The following KMT2C variants were observed in gnomAD, a reference collection of about 807,000 sequenced individuals.
The protein encoded by KMT2C is histone-lysine N-methyltransferase 2C.
A neutral mutation model predicts 507.9 loss-of-function variants in KMT2C; 88 were observed. The observed-to-expected ratio is 0.17, with a 90% CI of 0.15 to 0.21. KMT2C has a LOEUF of 0.21. Among genes scored for constraint, KMT2C ranks in the 10% least tolerant of loss-of-function variants. The pLI is 1.00. For synonymous variants in KMT2C, 2,049 were observed against 2,080.8 expected, an observed-to-expected ratio of 0.98 and a Z score of 0.42; for missense variants, 4,954 against 5,957.8, an observed-to-expected ratio of 0.83 and a Z score of 5.55.
chr7:152,435,589 G>T, intron 1 of KMT2C, 37 bp downstream of exon 1: 1 of 1,344,494 alleles, frequency 7.4e-7, no homozygotes, highest in Non-Finnish European at 9.7e-7. Context: ...CGGCGCCGCC[G>T]CTGGCTCCCG....
intron 1 of KMT2C, among the ~76,000 whole-genome samples, chr7:152,363,025 G>C (rs2129235507): frequency 1.3e-5 from 2 of 152,198 alleles, no homozygotes; most frequent in Admixed American, 1.3e-4. Flanking sequence ...TCTGCCATGT[G>C]ACTTTTCTGA....
At position 152,238,821 on chromosome 7, in the gene KMT2C, A is replaced by T. The variant is rs766200477; in HGVS notation, c.2538T>A (p.Ala846=). The T allele has an allele frequency of 1.2e-6, 2 of 1,601,232 alleles. No individual in the cohort carries two copies. The highest frequency in any genetic ancestry group is 1.7e-6 in the Non-Finnish European group (2 of 1,175,868). Residue 846 remains alanine, a synonymous_variant, in exon 15 of 59, where the codon GCT becomes GCA. Coordinates refer to ENST00000262189, the MANE Select transcript of KMT2C (RefSeq NM_170606.3). The part of the protein sequence containing the change: ...SPGRPRSKQG[A]WSTHNTVSPP... ...GGCTCACTGTATTATGGGTACTCCAAGCCCCCTAGGATATGGCAGTTGAGA... is the reference window on the plus strand; with the variant it reads ...GGCTCACTGTATTATGGGTACTCCATGCCCCCTAGGATATGGCAGTTGAGA...
intron 37 of KMT2C, 47 bp from the exon 38 acceptor site, chr7:152,178,057 T>C (rs780343379): frequency 1.5e-6 from 2 of 1,348,208 alleles, no homozygotes; most frequent in Non-Finnish European, 1.9e-6. Context: ...ATAGGTATTA[T>C]GTTAAATTTA....
intron 2 of KMT2C, among the ~76,000 whole-genome samples, chr7:152,333,627 A>T (rs555201767): frequency 2.0e-5 from 3 of 152,170 alleles, no homozygotes; most frequent in Non-Finnish European, 4.4e-5. Context: ...TTAGCACTTC[A>T]ATCTGACTTC....
chr7:152,337,312 G>T (rs1397208333), intron 2 of KMT2C, among the ~76,000 whole-genome samples: 36 of 152,158 alleles, frequency 2.4e-4, no homozygotes, highest in Non-Finnish European at 5.3e-4. Context: ...CATGTAAGTA[G>T]ATTCCTAAGA....
In KMT2C at chr7:152,156,017, G is replaced by A. The variant is rs2129099670; in HGVS notation, c.11853C>T (p.Phe3951=). 1 of 1,606,260 alleles carries A rather than the reference G, an allele frequency of 6.2e-7. No individual in the cohort carries two copies. The highest frequency in any genetic ancestry group is 8.5e-7 in the Non-Finnish European group (1 of 1,178,232). Residue 3951 remains phenylalanine, a synonymous_variant, in exon 46 of 59, where the codon TTC becomes TTT. Transcript: ENST00000262189. ...TLGPKPFQLP[F]RPQDDLLARA... ...GGGCCAACAAGTCGTCCTGGGGTCT[G>A]AAGGGCAGCTGAAATGGTTTAGGTC...
chr7:152,264,591 T>G (rs188360880), intron 8 of KMT2C, among the ~76,000 whole-genome samples: 1 of 152,136 alleles, frequency 6.6e-6, no homozygotes, highest in African/African-American at 2.4e-5. Flanking sequence ...ACATGACTGA[T>G]TTTTTGGCTC....
chr7:152,368,362 C>A, intron 1 of KMT2C: 1 of 1,127,010 alleles, frequency 8.9e-7, no homozygotes, highest in Non-Finnish European at 1.3e-6. Flanking sequence ...CCCTCTGGCA[C>A]AAATGGAAGA....
intron 7 of KMT2C, among the ~76,000 whole-genome samples, chr7:152,272,872 A>G (rs182209790): frequency 1.3e-5 from 2 of 152,298 alleles, no homozygotes. Context: ...ATAGGAAAAA[A>G]GCTTTTATTA....
chr7:152,166,274 A>C (rs1563217595), intron 42 of KMT2C, among the ~76,000 whole-genome samples: 1 of 151,760 alleles, frequency 6.6e-6, no homozygotes, highest in Non-Finnish European at 1.5e-5. Flanking sequence ...GGCACACACC[A>C]CCATACTTAG....
intron 5 of KMT2C, among the ~76,000 whole-genome samples, chr7:152,310,688 T>G (rs1291279464): frequency 5.3e-5 from 8 of 151,922 alleles, no homozygotes; most frequent in Non-Finnish European, 1.0e-4. Context: ...TGTTGTTTTG[T>G]TTTGGTTTTG....
chr7:152,164,729 G>A (rs192517768), intron 42 of KMT2C, among the ~76,000 whole-genome samples: 118 of 152,252 alleles, frequency 7.8e-4, no homozygotes, highest in African/African-American at 2.7e-3. Context: ...TACAAGCTCC[G>A]AGGAAGTATT....
chr7:152,197,757 T>C (rs561255911), intron 27 of KMT2C, among the ~76,000 whole-genome samples: 41 of 152,092 alleles, frequency 2.7e-4, no homozygotes, highest in African/African-American at 8.0e-4. Context: ...ATGAATGACA[T>C]GTTAAAAAAA....
rs3735156 is a variant in KMT2C, at chr7:152,251,983, C to T, written c.1577G>A (p.Arg526His). 3 of 1,612,534 alleles carry T rather than the reference C, an allele frequency of 1.9e-6. No individual in the cohort carries two copies. Among genetic ancestry groups the T allele is most frequent in the Non-Finnish European group, 1.7e-6 (2 of 1,179,278 alleles). Residue 526 changes from arginine (R) to histidine (H), a missense_variant, in exon 11 of 59, where the codon CGT becomes CAT. This residue lies in a region of KMT2C where 376 missense variants were observed against 352.4 expected (regional missense o/e 1.07). Transcript: ENST00000262189. ...YCKHLGAEMD[R>H]LQPGEEVEIA... ...CTCCACTTCCTCACCTGGCTGTAAA[C>T]GATCCATCTCAGCTCCCAGGTGTTT...
At chr7:152,227,733 C>T (rs920461587) in intron 18 of KMT2C, among the ~76,000 whole-genome samples, 45 of 152,184 alleles carry the variant, frequency 3.0e-4, no homozygotes, top group Admixed American at 2.6e-3. Context: ...ACAAAGGATC[C>T]CCTGAAGTCT....
At chr7:152,165,530 G>A (rs1332045461) in intron 42 of KMT2C, among the ~76,000 whole-genome samples, 1 of 152,150 alleles carries the variant, frequency 6.6e-6, no homozygotes, top group African/African-American at 2.4e-5. Context: ...TTTCATTCTG[G>A]AATAATCCTA....
In KMT2C at chr7:152,176,473, T is replaced by C. The variant is rs2129113100; in HGVS notation, c.8980A>G (p.Ile2994Val). The change falls in exon 38 of 59, where the codon ATT (isoleucine) becomes GTT (valine). Residue 2994 changes from isoleucine (I) to valine (V), a missense_variant. Ile to Val is a conservative substitution (Grantham distance 29). This residue lies in a region of KMT2C where 1,689 missense variants were observed against 1,654.3 expected (regional missense o/e 1.02). Transcript: ENST00000262189. ...TGGTTAACTGTTGATTGACCTGGAA[T>C]GAGCCCTGGGTTTACCTGCACACCC... Reference protein sequence around the residue: ...SQGVQVNPGLIPGQSTVNHSL... With the variant: ...SQGVQVNPGLVPGQSTVNHSL... 5 of 1,614,206 alleles carry C rather than the reference T, an allele frequency of 3.1e-6. No individual in the cohort carries two copies. Among genetic ancestry groups the C allele is most frequent in the Non-Finnish European group, 4.2e-6 (5 of 1,180,046 alleles).
At chr7:152,382,323 T>C (rs561273503) in intron 1 of KMT2C, among the ~76,000 whole-genome samples, 18 of 152,308 alleles carry the variant, frequency 1.2e-4, no homozygotes, top group African/African-American at 3.6e-4. Context: ...GATAACCCTG[T>C]TGGCTCATGC....
intron 1 of KMT2C, among the ~76,000 whole-genome samples, chr7:152,414,385 G>A (rs111480851): frequency 6.6e-6 from 1 of 151,760 alleles, no homozygotes; most frequent in Non-Finnish European, 1.5e-5. Context: ...CAAATTAGCC[G>A]GGCATGGTGG....
Sources: gnomAD v4.1 joint callset for allele counts (sites outside exome capture counted in the v4.1 genomes callset) on GRCh38, gnomAD v4.1.1 for gene constraint, gnomAD v4.1.1 regional missense constraint, MANE v1.5 for transcripts, NCBI Gene and HGNC (gene_info 2026-07-23, HGNC 2026-07-21) for gene names.